The following OPRM1 variants were observed in gnomAD, a reference collection of about 807,000 sequenced individuals.
OPRM1 encodes the protein mu-type opioid receptor.
In OPRM1, 27 loss-of-function variants were observed where a neutral mutation model predicts 31.8. That is an observed-to-expected ratio of 0.85 (90% CI 0.63 to 1.17). OPRM1 has a LOEUF of 1.17. Ranked by LOEUF, OPRM1 falls within the 50% of genes most tolerant of loss-of-function variation. The pLI is 0.00. For missense variants in OPRM1, 536 were observed against 511.1 expected (o/e 1.05, Z -0.47); for synonymous variants, 196 against 189.9 (o/e 1.03, Z -0.26).
At chr6:154,215,211 T>C (rs9383694) in intron 3 of OPRM1, among the ~76,000 whole-genome samples, 8,303 of 152,202 alleles carry the variant, frequency 0.055, 311 homozygotes, top group East Asian at 0.2. Context: ...GCCATAAATA[T>C]TGCACCTTCC....
At chr6:154,238,322 C>G (rs1285308908) in intron 3 of OPRM1, among the ~76,000 whole-genome samples, 1 of 152,124 alleles carries the variant, frequency 6.6e-6, no homozygotes, top group African/African-American at 2.4e-5. Flanking sequence ...ATGGCGCTGT[C>G]TCGGCTCACT....
At chr6:154,209,389 G>A (rs1198197100) in intron 3 of OPRM1, among the ~76,000 whole-genome samples, 1 of 152,026 alleles carries the variant, frequency 6.6e-6, no homozygotes, top group Admixed American at 6.6e-5. Context: ...AGTGGCTTAC[G>A]CTTGTAATCC....
intron 1 of OPRM1, among the ~76,000 whole-genome samples, chr6:154,042,452 G>A (rs1583190547): frequency 2.6e-5 from 4 of 152,174 alleles, no homozygotes; most frequent in Admixed American, 2.6e-4. Context: ...GAATGATCAA[G>A]TAGTTGCAGT....
chr6:154,096,820 G>T (rs965910858), intron 3 of OPRM1, among the ~76,000 whole-genome samples: 1 of 152,088 alleles, frequency 6.6e-6, no homozygotes, highest in South Asian at 2.1e-4. Flanking sequence ...TTATCACATG[G>T]TCTCAGCCAG....
intron 3 of OPRM1, among the ~76,000 whole-genome samples, chr6:154,216,273 C>T (rs1778385401): frequency 6.6e-6 from 1 of 151,692 alleles, no homozygotes; most frequent in Non-Finnish European, 1.5e-5. Context: ...TATCAATTTC[C>T]TGTTATAATG....
At chr6:154,084,184 G>A (rs961576262) in intron 1 of OPRM1, among the ~76,000 whole-genome samples, 1 of 152,106 alleles carries the variant, frequency 6.6e-6, no homozygotes, top group Non-Finnish European at 1.5e-5. Context: ...TAGCTTATTA[G>A]AAATGTCATT....
intron 3 of OPRM1, chr6:154,199,930 A>C (rs1264326132): frequency 3.1e-6 from 5 of 1,614,104 alleles, no homozygotes; most frequent in African/African-American, 1.3e-5. Context: ...GTCTCTCTTT[A>C]GATAAGGAGG....
chr6:154,091,211 C>G lies in OPRM1; in HGVS notation c.903C>G (p.Tyr301Ter). Reference sequence around the variant, plus strand: ...TCTGCTGGACTCCCATTCACATTTACGTCATCATTAAAGCCTTGGTTACAA... The same window carrying G: ...TCTGCTGGACTCCCATTCACATTTAGGTCATCATTAAAGCCTTGGTTACAA... ...FIVCWTPIHI[Y>*]VIIKALVTIP... Residue 301 changes from tyrosine (Y) to a stop codon, truncating the protein, a stop_gained, in exon 3 of 4, where the codon TAC (tyrosine) becomes TAG (stop). Coordinates refer to ENST00000330432, the MANE Select transcript of OPRM1 (RefSeq NM_000914.5). LOFTEE classifies it high-confidence loss of function. 1 of 1,614,172 alleles carries G rather than the reference C, an allele frequency of 6.2e-7. No homozygotes were observed. Among genetic ancestry groups the G allele is most frequent in the Non-Finnish European group, 8.5e-7 (1 of 1,180,028 alleles).
chr6:154,163,578 A>G (rs1219159799), intron 3 of OPRM1, among the ~76,000 whole-genome samples: 1 of 152,218 alleles, frequency 6.6e-6, no homozygotes, highest in Admixed American at 6.5e-5. Context: ...AGGCCTTTTT[A>G]TCTGACATGC....
chr6:154,057,445 A>G (rs1292116432), intron 1 of OPRM1, among the ~76,000 whole-genome samples: 1 of 152,184 alleles, frequency 6.6e-6, no homozygotes, highest in Admixed American at 6.5e-5. Flanking sequence ...ACTGTTCTCA[A>G]GGTTTATTGC....
intron 3 of OPRM1, among the ~76,000 whole-genome samples, chr6:154,241,151 G>A (rs1279499934): frequency 2.0e-5 from 3 of 150,298 alleles, no homozygotes; most frequent in East Asian, 3.9e-4. Flanking sequence ...CAGGAGAATC[G>A]CTTGAACCCG....
chr6:154,153,019 A>G (rs1021142051), intron 3 of OPRM1, among the ~76,000 whole-genome samples: 2 of 152,030 alleles, frequency 1.3e-5, no homozygotes, highest in Admixed American at 1.3e-4. Flanking sequence ...AATTGCAAAC[A>G]TGAGCCACAG....
chr6:154,112,017 G>A (rs191664274), intron 3 of OPRM1, among the ~76,000 whole-genome samples: 15 of 152,194 alleles, frequency 9.9e-5, no homozygotes, highest in South Asian at 6.2e-4. Flanking sequence ...CGCCCGCCTC[G>A]GCCTCCCAAA....
chr6:154,064,510 A>C (rs1025296532), intron 1 of OPRM1, among the ~76,000 whole-genome samples: 1 of 152,168 alleles, frequency 6.6e-6, no homozygotes, highest in Non-Finnish European at 1.5e-5. Context: ...CAATGTGTCC[A>C]TGTTTGCTTT....
At position 154,039,393 on chromosome 6, in the gene OPRM1, C is replaced by T. The variant is rs200040051; in HGVS notation, c.-152C>T. 48 of 1,546,506 alleles carry T rather than the reference C, an allele frequency of 3.1e-5. No homozygotes were observed. The highest frequency in any genetic ancestry group is 4.1e-5 in the Non-Finnish European group (47 of 1,143,722). On this transcript the variant is annotated 5_prime_UTR_variant, in exon 1 of 4. It adds an upstream start codon to the 5' untranslated region. Transcript: ENST00000330432. ...GCTCAGCTCGGTCCCCTCCGCCTGACGCTCCTCTCTGTCTCAGCCAGGACT... is the reference window on the plus strand; with the variant it reads ...GCTCAGCTCGGTCCCCTCCGCCTGATGCTCCTCTCTGTCTCAGCCAGGACT...
chr6:154,139,759 G>C (rs1583648881), intron 3 of OPRM1, among the ~76,000 whole-genome samples: 2 of 152,174 alleles, frequency 1.3e-5, no homozygotes, highest in African/African-American at 4.8e-5. Flanking sequence ...CCCCTGGTAA[G>C]TGTAGGCAGC....
At chr6:154,204,369 T>TAAACA (rs1283314760) in intron 3 of OPRM1, among the ~76,000 whole-genome samples, 2 of 152,184 alleles carry the variant, frequency 1.3e-5, no homozygotes, top group African/African-American at 2.4e-5. Flanking sequence ...CAAAAAAGTC[T>TAAACA]AAACAAAACA....
At chr6:154,202,861 G>GA (rs1242186294) in intron 3 of OPRM1, among the ~76,000 whole-genome samples, 1 of 151,814 alleles carries the variant, frequency 6.6e-6, no homozygotes, top group Non-Finnish European at 1.5e-5. Context: ...AGAATGAAGG[G>GA]AAAAAAAGAA....
In OPRM1 at chr6:154,120,995, A is replaced by G. The variant is rs645027; in HGVS notation, c.*2274A>G. The stretch of plus-strand genomic sequence containing the variant: ...TCATTGTCAACGTTTTTCATTCAAA[A>G]CCATTTTTTAACGTAAATTTGCTAG... On this transcript the variant is annotated 3_prime_UTR_variant, in exon 4 of 4. Transcript: ENST00000330432. Among the ~76,000 whole-genome samples the G allele has an allele frequency of 0.13, 19,833 of 152,208 alleles. 1,464 individuals are homozygous for G. Among genetic ancestry groups the G allele is most frequent in the Admixed American group, 0.23 (3,486 of 15,264 alleles).
Sources: allele counts gnomAD v4.1 joint callset (sites outside exome capture counted in the v4.1 genomes callset), GRCh38; gene constraint gnomAD v4.1.1; transcripts MANE v1.5; gene names NCBI Gene and HGNC (gene_info 2026-07-23, HGNC 2026-07-21).